The following CCDC39 variants were observed in gnomAD, a reference collection of about 807,000 sequenced individuals.
CCDC39 encodes coiled-coil domain 39 molecular ruler complex subunit.
In CCDC39, 113 loss-of-function variants were observed where a neutral mutation model predicts 121.0. The ratio of observed to expected loss-of-function variants is 0.93; its 90% CI spans 0.80 to 1.09. The LOEUF is 1.09. Among genes scored for constraint, CCDC39 ranks in the 50% least tolerant of loss-of-function variants. The probability of loss-of-function intolerance (pLI) is 0.00; values close to 1 mark genes in which losing one functional copy is unlikely to be tolerated. For missense variants in CCDC39, 1,063 were observed against 1,074.7 expected (o/e 0.99, Z 0.15); for synonymous variants, 349 against 352.2 (o/e 0.99, Z 0.10).
At chr3:180,632,602 A>G (rs1001529894) in intron 13 of CCDC39, among the ~76,000 whole-genome samples, 10 of 152,328 alleles carry the variant, frequency 6.6e-5, no homozygotes, top group African/African-American at 2.2e-4. Context: ...CAAGCACAGT[A>G]TATTACTCTT....
chr3:180,623,434 G>A (rs1245269224), intron 14 of CCDC39, among the ~76,000 whole-genome samples: 1 of 151,598 alleles, frequency 6.6e-6, no homozygotes, highest in Admixed American at 6.6e-5. Flanking sequence ...AAATTTTTTT[G>A]TCTCTATTTC....
At chr3:180,623,178 C>A (rs1717472065) in intron 14 of CCDC39, among the ~76,000 whole-genome samples, 1 of 150,726 alleles carries the variant, frequency 6.6e-6, no homozygotes, top group Non-Finnish European at 1.5e-5. Context: ...CCTGGTTCAA[C>A]CTTGGGAGGG....
chr3:180,643,444 TAAAC>T (rs1718005933), intron 12 of CCDC39, among the ~76,000 whole-genome samples: 1 of 152,182 alleles, frequency 6.6e-6, no homozygotes, highest in African/African-American at 2.4e-5. Flanking sequence ...AATGTATCAT[TAAAC>T]AAAATATTTT....
intron 9 of CCDC39, among the ~76,000 whole-genome samples, chr3:180,650,099 C>G (rs2338435): frequency 1.1e-4 from 17 of 151,920 alleles, no homozygotes; most frequent in Non-Finnish European, 2.4e-4. Flanking sequence ...TTCAACCCCC[C>G]CAAACGAGTA....
chr3:180,666,671 A>G (rs1002465952), intron 1 of CCDC39, among the ~76,000 whole-genome samples: 15 of 152,210 alleles, frequency 9.9e-5, no homozygotes, highest in Admixed American at 8.5e-4. Flanking sequence ...TTAACTCTCC[A>G]TAAGTTGAAA....
At chr3:180,637,692 T>G (rs944259148) in intron 13 of CCDC39, among the ~76,000 whole-genome samples, 1 of 152,152 alleles carries the variant, frequency 6.6e-6, no homozygotes, top group Admixed American at 6.5e-5. Flanking sequence ...CACCCATCAA[T>G]GACAGATTAG....
chr3:180,641,220 T>C (rs1717945895), intron 13 of CCDC39, among the ~76,000 whole-genome samples: 1 of 152,106 alleles, frequency 6.6e-6, no homozygotes, highest in African/African-American at 2.4e-5. Flanking sequence ...CAACATCCAT[T>C]CTTGATTAAA....
At chr3:180,651,867 C>T (rs1327524591) in intron 8 of CCDC39, among the ~76,000 whole-genome samples, 5 of 152,082 alleles carry the variant, frequency 3.3e-5, no homozygotes, top group African/African-American at 1.2e-4. Flanking sequence ...GAAACCCCGT[C>T]TCTAATAAAA....
intron 8 of CCDC39, 95 bp from the exon 9 acceptor site, chr3:180,651,628 T>A: frequency 1.6e-6 from 2 of 1,231,152 alleles, no homozygotes; most frequent in Non-Finnish European, 2.2e-6. Flanking sequence ...TTTGTATAAC[T>A]TGAAGGGGTT....
At chr3:180,646,281 GAAA>G (rs139959260) in intron 11 of CCDC39, among the ~76,000 whole-genome samples, 2 of 143,832 alleles carry the variant, frequency 1.4e-5, no homozygotes, top group Non-Finnish European at 3.1e-5. Context: ...TTCTTAAGAA[GAAA>G]AAAAAAAAGT....
chr3:180,661,417 C>A (rs543385680), intron 3 of CCDC39, among the ~76,000 whole-genome samples: 1 of 151,898 alleles, frequency 6.6e-6, no homozygotes, highest in South Asian at 2.1e-4. Flanking sequence ...GCTCCCAAAT[C>A]AAGTAACTAT....
Position 180,619,823 on chromosome 3 carries a change from CT to C in CCDC39, c.2145del (p.Val716Ter). On this transcript the variant is annotated frameshift_variant, in exon 15 of 20. Transcript: ENST00000476379. LOFTEE classifies it high-confidence loss of function. ...CNNNYKQSFK[K>X]VTPSSDEYEL... is the part of the protein sequence containing the mutation. ...AACTCCTACATACTAGATGGAGTCACTTTTTTAAAAGATTGCTTATAATTGT... is the reference window on the plus strand; with the variant it reads ...AACTCCTACATACTAGATGGAGTCACTTTTTAAAAGATTGCTTATAATTGT... 6.3e-7 allele frequency: 1 copy of C among 1,587,468 alleles called. No individual in the cohort carries two copies.
chr3:180,643,267 C>T (rs9869523), intron 12 of CCDC39, among the ~76,000 whole-genome samples: 54,155 of 151,486 alleles, frequency 0.36, 12,290 homozygotes, highest in African/African-American at 0.65. Flanking sequence ...CCGACAGAGA[C>T]AATATTTTTA....
chr3:180,639,448 A>G (rs942678826), intron 13 of CCDC39, among the ~76,000 whole-genome samples: 6 of 152,180 alleles, frequency 3.9e-5, no homozygotes, highest in Non-Finnish European at 8.8e-5. Flanking sequence ...ACTCAGCCAC[A>G]AAAAGGAACA....
At chr3:180,664,040 G>C in intron 1 of CCDC39, 54 bp from the exon 2 acceptor site, 1 of 1,486,964 alleles carries the variant, frequency 6.7e-7, no homozygotes, top group Non-Finnish European at 9.2e-7. Context: ...TTTACCATAT[G>C]AAGGACCTAA....
chr3:180,626,726 G>T lies in CCDC39; in HGVS notation c.1998+4743C>A, dbSNP rs371534947. 3.9e-5 allele frequency among the ~76,000 whole-genome samples: 6 copies of T among 152,218 alleles called. No individual in the cohort carries two copies. The East Asian group carries it at 1.2e-3, about 29-fold the overall frequency. On this transcript the variant is annotated intron_variant, in intron 14 of 19. Coordinates refer to ENST00000476379, the MANE Select transcript of CCDC39 (RefSeq NM_181426.2). Reference sequence around the variant, plus strand: ...GGTTCCTCTCAGGTGAGGTGCTCAGGTGGGTAACAAGTTGTGAGGAGTGCA... The same window carrying T: ...GGTTCCTCTCAGGTGAGGTGCTCAGTTGGGTAACAAGTTGTGAGGAGTGCA...
In CCDC39 at chr3:180,652,166, G is replaced by A; in HGVS notation, c.1031C>T (p.Ala344Val). The change falls in exon 8 of 20, where the codon GCA becomes GTA. Residue 344 changes from alanine to valine, a missense_variant. Transcript: ENST00000476379. ...KIKKDIHEETARLQKTKNHNE... is the reference protein window; with the variant it reads ...KIKKDIHEETVRLQKTKNHNE... ...ATTTAGATAGTTTTTTTCTTACCTT[G>A]CTGTTTCTTCATGAATGTCCTTCTT... 1 of 1,468,120 alleles carries A rather than the reference G, an allele frequency of 6.8e-7. No individual in the cohort carries two copies. The highest frequency in any genetic ancestry group is 9.2e-7 in the Non-Finnish European group (1 of 1,090,772). The allele number at this position is 1,468,120 out of a possible 1,614,324, so 90.9% of individuals were successfully genotyped here.
rs749497447 is a variant in CCDC39, at chr3:180,648,351, A to G, written c.1176T>C (p.Asp392=). ...CACCTTTTATGAGGTTCAGTTGAAC[A>G]TCTACTTCCTGATAATGAGAATTAT... ...KEEEKDVKEV[D]VQLNLIKGVL... Residue 392 remains aspartate (D), a synonymous_variant, in exon 10 of 20, where the codon GAT becomes GAC. Coordinates refer to ENST00000476379, the MANE Select transcript of CCDC39 (RefSeq NM_181426.2). 1.3e-4 allele frequency: 194 copies of G among 1,549,284 alleles called. No individual in the cohort carries two copies. Among genetic ancestry groups the G allele is most frequent in the Non-Finnish European group, 1.6e-4 (186 of 1,147,054 alleles).
chr3:180,660,802 C>A, intron 3 of CCDC39, 74 bp from the exon 4 acceptor site: 3 of 1,342,370 alleles, frequency 2.2e-6, no homozygotes, highest in East Asian at 5.0e-5. Context: ...ATAAAACATA[C>A]CTTTATATAC....
Sources: gnomAD v4.1 joint callset for allele counts (sites outside exome capture counted in the v4.1 genomes callset) on GRCh38, gnomAD v4.1.1 for gene constraint, MANE v1.5 for transcripts, NCBI Gene and HGNC (gene_info 2026-07-23, HGNC 2026-07-21) for gene names.